Variants in ATP2B2 observed in about 807,000 individuals in gnomAD.
ATP2B2 encodes the protein ATPase plasma membrane Ca2+ transporting 2.
A neutral mutation model predicts 120.0 loss-of-function variants in ATP2B2; 15 were observed. The observed-to-expected ratio is 0.12, with a 90% CI of 0.08 to 0.19. ATP2B2 has a LOEUF of 0.19. Among genes scored for constraint, ATP2B2 ranks in the 10% least tolerant of loss-of-function variants. The probability of loss-of-function intolerance (pLI) is 1.00; values close to 1 mark genes in which losing one functional copy is unlikely to be tolerated. For missense variants in ATP2B2, 1,045 were observed against 1,719.8 expected (o/e 0.61, Z 6.94); for synonymous variants, 694 against 700.3 (o/e 0.99, Z 0.14).
Position 10,342,984 on chromosome 3 carries a change from G to A in ATP2B2, c.2704-19C>T. On this transcript the variant is annotated intron_variant, in intron 18 of 22. Transcript: ENST00000360273. This position sits in a 1 kb window ranked among gnomAD's most constrained non-coding sequence, Gnocchi z 4.4. ...GGGAGTCCTGGGGACGGGCAGGAGA[G>A]GGCTGTCACCTGTGCGCCCACCTGC... 2 of 1,612,264 alleles carry A rather than the reference G, an allele frequency of 1.2e-6. No individual in the cohort carries two copies. The highest frequency in any genetic ancestry group is 1.7e-6 in the Non-Finnish European group (2 of 1,178,762).
intron 3 of ATP2B2, among the ~76,000 whole-genome samples, chr3:10,533,439 G>A (rs2067249941): frequency 6.6e-6 from 1 of 152,218 alleles, no homozygotes. Flanking sequence ...AGGGATCTGA[G>A]ACTCAGAGGG....
intron 2 of ATP2B2, among the ~76,000 whole-genome samples, chr3:10,431,332 T>A (rs1472280150): frequency 6.6e-6 from 1 of 152,154 alleles, no homozygotes; most frequent in Non-Finnish European, 1.5e-5. Flanking sequence ...AGAGAGTCAA[T>A]CTACACAGCA....
At chr3:10,419,372 C>T (rs1214166310) in intron 2 of ATP2B2, among the ~76,000 whole-genome samples, 1 of 152,248 alleles carries the variant, frequency 6.6e-6, no homozygotes, top group Non-Finnish European at 1.5e-5. Context: ...TAGTGCTTGG[C>T]ATATACTGGC....
rs530322056 is a variant in ATP2B2 at position 10,637,047 on chromosome 3, C to T, written c.-459-17086G>A. 5.3e-5 allele frequency among the ~76,000 whole-genome samples: 8 copies of T among 152,264 alleles called. No homozygotes were observed. In the East Asian group the frequency reaches 1.3e-3, roughly 26 times the overall value. On this transcript the variant is annotated intron_variant, in intron 1 of 21. Coordinates refer to the ATP2B2 transcript ENST00000646379. ...ACTGGGACACCTCAAGATTCATGGA[C>T]GTTGAGTTGAGTATTCAGAAGGGTC...
At chr3:10,605,898 C>T (rs1320511419) in intron 2 of ATP2B2, among the ~76,000 whole-genome samples, 1 of 152,148 alleles carries the variant, frequency 6.6e-6, no homozygotes. Flanking sequence ...ATCTGCCTGC[C>T]TCAGCCTCCC....
At chr3:10,359,390 G>A (rs1370004044) in intron 13 of ATP2B2, among the ~76,000 whole-genome samples, 2 of 152,094 alleles carry the variant, frequency 1.3e-5, no homozygotes, top group Non-Finnish European at 2.9e-5. Flanking sequence ...AGAACCACTG[G>A]GGGCTAGACT....
chr3:10,349,535 T>C (rs1574977166), intron 16 of ATP2B2, among the ~76,000 whole-genome samples: 1 of 152,196 alleles, frequency 6.6e-6, no homozygotes, highest in African/African-American at 2.4e-5. Flanking sequence ...GCCCTCCCTC[T>C]GGAGGGAGGA....
intron 1 of ATP2B2, among the ~76,000 whole-genome samples, chr3:10,465,557 A>C (rs938754349): frequency 2.6e-5 from 4 of 152,228 alleles, no homozygotes; most frequent in Non-Finnish European, 5.9e-5. Context: ...GACATGATCT[A>C]GGAGAGTTTA....
At chr3:10,420,444 C>T (rs1276965195) in intron 2 of ATP2B2, among the ~76,000 whole-genome samples, 1 of 151,990 alleles carries the variant, frequency 6.6e-6, no homozygotes, top group Non-Finnish European at 1.5e-5. Flanking sequence ...TCACTGCAAC[C>T]TCCGCCTCCC....
chr3:10,657,962 C>T (rs1468802421), intron 1 of ATP2B2, among the ~76,000 whole-genome samples: 1 of 152,220 alleles, frequency 6.6e-6, no homozygotes, highest in Non-Finnish European at 1.5e-5. Flanking sequence ...TCTGCAGCCT[C>T]TGCTGGTGAT....
chr3:10,640,440 G>A (rs978826860), intron 1 of ATP2B2, among the ~76,000 whole-genome samples: 22 of 152,206 alleles, frequency 1.4e-4, no homozygotes, highest in Admixed American at 1.3e-3. Context: ...GGCACTGGAG[G>A]CAACAAGGGC....
chr3:10,534,214 C>T (rs1226255528), intron 2 of ATP2B2: 4 of 152,504 alleles, frequency 2.6e-5, no homozygotes, highest in Non-Finnish European at 5.9e-5. Flanking sequence ...GGGAAGGTAA[C>T]CGTGGTGTGG....
rs950231694 is a variant in ATP2B2 at position 10,635,456 on chromosome 3, G to A, written c.-459-15495C>T. On this transcript the variant is annotated intron_variant, in intron 1 of 21. Coordinates refer to the ATP2B2 transcript ENST00000646379. This position sits in a 1 kb window ranked among gnomAD's most constrained non-coding sequence, Gnocchi z 4.3. The stretch of plus-strand genomic sequence containing the variant: ...AGGCAACATGACTTTCCAGCTCTTA[G>A]GTGCCTACAGCGGTGAAATTTCTCC... 6.6e-6 allele frequency among the ~76,000 whole-genome samples: 1 copy of A among 152,062 alleles called. No individual in the cohort carries two copies. The highest frequency in any genetic ancestry group is 1.5e-5 in the Non-Finnish European group (1 of 68,012).
At chr3:10,655,265 C>T (rs2070586511) in intron 1 of ATP2B2, among the ~76,000 whole-genome samples, 1 of 127,098 alleles carries the variant, frequency 7.9e-6, no homozygotes, top group African/African-American at 3.9e-5. Flanking sequence ...ACTCTCCTCC[C>T]TCTCCTATTG....
intron 12 of ATP2B2, 127 bp from the exon 13 acceptor site, chr3:10,360,250 G>T (rs1042669811): frequency 6.9e-7 from 1 of 1,440,028 alleles, no homozygotes. Flanking sequence ...AGCCCTCAGG[G>T]AGCCCTTGGC....
rs141945012 is a variant in ATP2B2 at position 10,614,596 on chromosome 3, G to A, written c.-415+5321C>T. ...GACTTGGGTTTTAATCTTTTCTCCC[G>A]CATCGTAGTTGGGTGAGCTTTGGCA... On this transcript the variant is annotated intron_variant, in intron 2 of 21. Transcript: ENST00000646379. Among the ~76,000 whole-genome samples the A allele has an allele frequency of 5.7e-3, 874 of 152,200 alleles. 11 individuals are homozygous for A. The highest frequency in any genetic ancestry group is 0.019 in the African/African-American group (776 of 41,500).
At chr3:10,568,765 C>G (rs919984629) in intron 2 of ATP2B2, among the ~76,000 whole-genome samples, 170 of 152,320 alleles carry the variant, frequency 1.1e-3, no homozygotes, top group African/African-American at 3.9e-3. Flanking sequence ...GGCTCCAGAC[C>G]TATAGCCGTG....
intron 12 of ATP2B2, among the ~76,000 whole-genome samples, chr3:10,360,522 T>C (rs1575011164): frequency 2.0e-5 from 3 of 152,352 alleles, no homozygotes; most frequent in Admixed American, 2.0e-4. Flanking sequence ...CCCATCTGCA[T>C]AATTCACTCC....
intron 2 of ATP2B2, among the ~76,000 whole-genome samples, chr3:10,412,247 T>C (rs551300477): frequency 3.9e-5 from 6 of 152,292 alleles, no homozygotes; most frequent in Admixed American, 6.5e-5. Context: ...TGACCCACAG[T>C]TGACAAACCC....
Sources: allele counts gnomAD v4.1 joint callset (sites outside exome capture counted in the v4.1 genomes callset), GRCh38; gene constraint gnomAD v4.1.1; non-coding constraint Gnocchi (gnomAD v3.1); transcripts MANE v1.5; gene names NCBI Gene and HGNC (gene_info 2026-07-23, HGNC 2026-07-21).